Variants in PIEZO2 observed in about 807,000 individuals in gnomAD.
PIEZO2 encodes piezo type mechanosensitive ion channel component 2, also known as piezo-type mechanosensitive ion channel component 2.
In PIEZO2, 172 loss-of-function variants were observed where a neutral mutation model predicts 337.3. That is an observed-to-expected ratio of 0.51 (90% confidence interval 0.45 to 0.58). The LOEUF (loss-of-function observed/expected upper bound fraction) is 0.58. Among genes scored for constraint, PIEZO2 ranks in the 20% least tolerant of loss-of-function variants. The pLI is 0.00. For synonymous variants in PIEZO2, 1,251 were observed against 1,228.5 expected, an observed-to-expected ratio of 1.02 and a Z score of -0.38; for missense variants, 3,028 against 3,391.3, an observed-to-expected ratio of 0.89 and a Z score of 2.66.
chr18:10,680,162 G>A (rs746160519), intron 52 of PIEZO2, 37 bp downstream of exon 52: 1 of 1,550,366 alleles, frequency 6.5e-7, no homozygotes, highest in Non-Finnish European at 8.8e-7. Context: ...TTAGACTGGG[G>A]AAAGGGATAA....
Position 11,002,963 on chromosome 18 carries a change from G to A in PIEZO2, c.161-23303C>T, listed in dbSNP as rs564393412. On this transcript the variant is annotated intron_variant, in intron 2 of 55. Transcript: ENST00000674853. This position sits in a 1 kb window ranked among gnomAD's most constrained non-coding sequence, Gnocchi z 4.3. ...TTGATTAACCAGTGCCACTCAAACA[G>A]AGGAAGTGAGGCAAGAGGCGCTCCT... Among the ~76,000 whole-genome samples, 1 of 152,320 alleles carries A rather than the reference G, an allele frequency of 6.6e-6. No homozygotes were observed. Among genetic ancestry groups the A allele is most frequent in the South Asian group, 2.1e-4 (1 of 4,828 alleles).
At position 11,129,011 on chromosome 18, in the gene PIEZO2, G is replaced by T. The variant is rs1259721975; in HGVS notation, c.64+19514C>A. 4.6e-5 allele frequency among the ~76,000 whole-genome samples: 7 copies of T among 152,168 alleles called. No individual in the cohort carries two copies. Among genetic ancestry groups the T allele is most frequent in the African/African-American group, 1.4e-4 (6 of 41,446 alleles). ...AAGGTTCTAATAGTTTATTTGCTTGGTTGGTTAAAATGTGGATTAAAAGAT... is the reference window on the plus strand; with the variant it reads ...AAGGTTCTAATAGTTTATTTGCTTGTTTGGTTAAAATGTGGATTAAAAGAT... On this transcript the variant is annotated intron_variant, in intron 1 of 55. Transcript: ENST00000674853. The surrounding 1 kb of genome is among the most constrained non-coding windows in gnomAD (Gnocchi z 4.6).
chr18:10,750,932 T>G lies in PIEZO2; in HGVS notation c.4168-745A>C, dbSNP rs1002544528. On this transcript the variant is annotated intron_variant, in intron 28 of 55. Transcript: ENST00000674853. The surrounding 1 kb of genome is among the most constrained non-coding windows in gnomAD (Gnocchi z 4.1). Reference sequence around the variant, plus strand: ...GGAATATTCCAGTCCTACACCATCATGTCCTGCTTTTGTTCCTGTTTTCCA... The same window carrying G: ...GGAATATTCCAGTCCTACACCATCAGGTCCTGCTTTTGTTCCTGTTTTCCA... Among the ~76,000 whole-genome samples the G allele has an allele frequency of 9.9e-5, 15 of 152,172 alleles. No individual in the cohort carries two copies. The highest frequency in any genetic ancestry group is 3.6e-4 in the African/African-American group (15 of 41,452).
Position 10,757,855 on chromosome 18 carries a change from T to C in PIEZO2, c.3923+114A>G. ...ATTGTCCAGCATTTATTAACTTCAGTGTATACAATTCAGCAGATCTGTTTC... is the reference window on the plus strand; with the variant it reads ...ATTGTCCAGCATTTATTAACTTCAGCGTATACAATTCAGCAGATCTGTTTC... On this transcript the variant is annotated intron_variant, in intron 27 of 55. Transcript: ENST00000674853. The C allele has an allele frequency of 5.4e-6, 6 of 1,117,144 alleles. No homozygotes were observed. In the South Asian group the frequency reaches 8.2e-5, roughly 15 times the overall value. The allele number at this position is 1,117,144 out of a possible 1,614,324, so 69.2% of individuals were successfully genotyped here.
At chr18:10,804,905 A>G (rs1263996352) in intron 8 of PIEZO2, among the ~76,000 whole-genome samples, 6 of 152,178 alleles carry the variant, frequency 3.9e-5, no homozygotes, top group African/African-American at 1.4e-4. Flanking sequence ...AATAGAGCCC[A>G]CATGAAATGT....
intron 3 of PIEZO2, among the ~76,000 whole-genome samples, chr18:10,958,319 A>G (rs2033626446): frequency 6.6e-6 from 1 of 152,076 alleles, no homozygotes. Flanking sequence ...AGAAACAGAA[A>G]CTAGAAAGGT....
chr18:11,081,786 G>T (rs376162337), intron 1 of PIEZO2, among the ~76,000 whole-genome samples: 1 of 148,650 alleles, frequency 6.7e-6, no homozygotes, highest in Non-Finnish European at 1.5e-5. Flanking sequence ...TTGAGATGGA[G>T]TCTTGCTCTG....
intron 9 of PIEZO2, among the ~76,000 whole-genome samples, chr18:10,802,273 G>T (rs1156858355): frequency 6.6e-6 from 1 of 152,000 alleles, no homozygotes; most frequent in South Asian, 2.1e-4. Flanking sequence ...CACAGCAAGT[G>T]GTTCTACCAC....
chr18:10,922,038 C>T (rs1190339057), intron 3 of PIEZO2, among the ~76,000 whole-genome samples: 2 of 152,108 alleles, frequency 1.3e-5, no homozygotes. Context: ...TTTAATTTTG[C>T]CCCGGTCCTG....
chr18:10,961,774 T>A (rs1368083936), intron 3 of PIEZO2, among the ~76,000 whole-genome samples: 1 of 152,172 alleles, frequency 6.6e-6, no homozygotes, highest in Non-Finnish European at 1.5e-5. Flanking sequence ...AAAAAGGATT[T>A]TTTTTTTCAA....
At position 11,104,101 on chromosome 18, in the gene PIEZO2, G is replaced by T. The variant is rs189268253; in HGVS notation, c.65-37879C>A. Among the ~76,000 whole-genome samples, 1 of 152,230 alleles carries T rather than the reference G, an allele frequency of 6.6e-6. No individual in the cohort carries two copies. Among genetic ancestry groups the T allele is most frequent in the African/African-American group, 2.4e-5 (1 of 41,530 alleles). On this transcript the variant is annotated intron_variant, in intron 1 of 55. Transcript: ENST00000674853. This position sits in a 1 kb window ranked among gnomAD's most constrained non-coding sequence, Gnocchi z 4.6. ...AATAGTGTAATAGGATGTTAAAATT[G>T]GATTCTTCTTATCATAGCTTTCACT...
intron 3 of PIEZO2, among the ~76,000 whole-genome samples, chr18:10,936,158 G>A (rs1001331629): frequency 2.0e-5 from 3 of 152,312 alleles, no homozygotes; most frequent in East Asian, 1.9e-4. Flanking sequence ...CTTCCCAGCA[G>A]TTTCTAGAAC....
rs2040462544 is a variant in PIEZO2, at chr18:10,819,570, TG to T, written c.918-12297del. 6.6e-6 allele frequency among the ~76,000 whole-genome samples: 1 copy of T among 152,192 alleles called. No homozygotes were observed. Among genetic ancestry groups the T allele is most frequent in the Non-Finnish European group, 1.5e-5 (1 of 68,026 alleles). ...TGTCACTTAACAAAAAATCCAAAGA[TG>T]AGCAGTTCCAGGTTAGCTAATTCAA... On this transcript the variant is annotated intron_variant, in intron 7 of 55. Coordinates refer to ENST00000674853, the MANE Select transcript of PIEZO2 (RefSeq NM_001378183.1). The surrounding 1 kb of genome is among the most constrained non-coding windows in gnomAD (Gnocchi z 4.3).
intron 1 of PIEZO2, among the ~76,000 whole-genome samples, chr18:11,076,004 C>T (rs539008910): frequency 2.0e-5 from 3 of 151,984 alleles, no homozygotes; most frequent in Non-Finnish European, 2.9e-5. Context: ...TCCAGGATGG[C>T]CTGGATCTCC....
rs2033796786 is a variant in PIEZO2 at position 10,671,901 on chromosome 18, A to T, written c.8346-122T>A. 8.7e-6 allele frequency: 8 copies of T among 914,864 alleles called. No individual in the cohort carries two copies. In the South Asian group the frequency reaches 2.0e-4, roughly 23 times the overall value. 56.7% of individuals were successfully genotyped at this position (914,864 alleles called of 1,614,324 possible). ...TTCTGTAGAAGAAATAAGCAAATCA[A>T]ATCTTACATTTTTTCCCTTTGGTTA... On this transcript the variant is annotated intron_variant, in intron 55 of 55. Transcript: ENST00000674853.
rs1469832719 is a variant in PIEZO2 at position 10,794,793 on chromosome 18, C to G, written c.1737G>C (p.Glu579Asp). The change falls in exon 13 of 56, where the codon GAG becomes GAC. Residue 579 changes from glutamate to aspartate, a missense_variant. Around this residue, in one of 5 missense-constraint regions of PIEZO2, gnomAD observed 1,925 missense variants for 2,051.9 expected, o/e 0.94. Transcript: ENST00000674853. The surrounding 1 kb of genome is among the most constrained non-coding windows in gnomAD (Gnocchi z 6.6). ...TTACTTTGGAAGCAAGTTCTCCTGG[C>G]TCTTTCTTTTCTAAAAATCCTGGAA... ...KKVPGFLEKKEPGELASKILF... is the reference protein window; with the variant it reads ...KKVPGFLEKKDPGELASKILF... 1 of 1,534,138 alleles carries G rather than the reference C, an allele frequency of 6.5e-7. No homozygotes were observed. Among genetic ancestry groups the G allele is most frequent in the Non-Finnish European group, 8.7e-7 (1 of 1,145,408 alleles).
chr18:10,749,167 T>A (rs571005420), intron 29 of PIEZO2, among the ~76,000 whole-genome samples: 252 of 152,246 alleles, frequency 1.7e-3, no homozygotes, highest in African/African-American at 5.7e-3. Flanking sequence ...AAAATTAATC[T>A]TTTTAAAAAA....
At chr18:11,093,697 C>T (rs949487551) in intron 1 of PIEZO2, among the ~76,000 whole-genome samples, 3 of 149,552 alleles carry the variant, frequency 2.0e-5, no homozygotes, top group Non-Finnish European at 4.4e-5. Context: ...GGCCATTCTC[C>T]TGCCTCAGGC....
At chr18:10,890,618 C>T (rs1025140892) in intron 4 of PIEZO2, 1 of 152,174 alleles carries the variant, frequency 6.6e-6, no homozygotes, top group African/African-American at 2.4e-5. Context: ...ACCATCAGAT[C>T]TCATGAGAAC....
Sources: gnomAD v4.1 joint callset for allele counts (sites outside exome capture counted in the v4.1 genomes callset) on GRCh38, gnomAD v4.1.1 for gene constraint, gnomAD v4.1.1 regional missense constraint, Gnocchi (gnomAD v3.1) non-coding constraint, MANE v1.5 for transcripts, NCBI Gene and HGNC (gene_info 2026-07-23, HGNC 2026-07-21) for gene names.